The following SNTG2 variants were observed in gnomAD, a reference collection of about 807,000 sequenced individuals.
The protein encoded by SNTG2 is syntrophin gamma 2.
A neutral mutation model predicts 70.9 loss-of-function variants in SNTG2; 74 were observed. The ratio of observed to expected loss-of-function variants is 1.04; its 90% CI spans 0.86 to 1.27. The LOEUF (loss-of-function observed/expected upper bound fraction) is 1.27, where lower values mean the gene tolerates loss of function less well. SNTG2 is among the 50% of genes most tolerant of loss of function. SNTG2 has a pLI of 0.00. For synonymous variants in SNTG2, 278 were observed against 273.8 expected (o/e 1.02, Z -0.15); for missense variants, 717 against 690.7 (o/e 1.04, Z -0.43).
intron 1 of SNTG2, among the ~76,000 whole-genome samples, chr2:1,015,805 G>A (rs180966757): frequency 6.6e-6 from 1 of 152,178 alleles, no homozygotes; most frequent in African/African-American, 2.4e-5. Context: ...GTGCAGAGTT[G>A]CATATCTGGG....
intron 1 of SNTG2, among the ~76,000 whole-genome samples, chr2:1,031,334 TCC>T (rs1660802185): frequency 6.6e-6 from 1 of 151,272 alleles, no homozygotes; most frequent in South Asian, 2.1e-4. Context: ...TCCCATTTCC[TCC>T]CCTCTCAGGG....
At chr2:1,056,101 A>G (rs987323415) in intron 1 of SNTG2, among the ~76,000 whole-genome samples, 9 of 151,460 alleles carry the variant, frequency 5.9e-5, no homozygotes, top group African/African-American at 2.2e-4. Flanking sequence ...TCTGGCTCCC[A>G]TCTTGGTGGG....
intron 6 of SNTG2, among the ~76,000 whole-genome samples, chr2:1,144,650 C>T (rs1668982886): frequency 6.6e-6 from 1 of 152,106 alleles, no homozygotes; most frequent in Admixed American, 6.6e-5. Flanking sequence ...TACATGGTGG[C>T]AGACAAAAGA....
At chr2:1,124,048 C>G (rs1038372553) in intron 4 of SNTG2, among the ~76,000 whole-genome samples, 3 of 151,704 alleles carry the variant, frequency 2.0e-5, no homozygotes, top group African/African-American at 7.3e-5. Flanking sequence ...TTTTTAAGTT[C>G]TATTGCACAG....
chr2:1,005,228 A>G (rs1315491592), intron 1 of SNTG2, among the ~76,000 whole-genome samples: 1 of 152,296 alleles, frequency 6.6e-6, no homozygotes, highest in East Asian at 1.9e-4. Context: ...ACTGAGTTGT[A>G]TGATCCTGTA....
chr2:1,062,971 T>C (rs942063492), intron 1 of SNTG2, among the ~76,000 whole-genome samples: 2 of 152,240 alleles, frequency 1.3e-5, no homozygotes, highest in African/African-American at 4.8e-5. Context: ...GTAAAAGATC[T>C]ACCACATTGT....
chr2:1,210,332 A>T (rs1673954781), intron 9 of SNTG2: 1 of 152,178 alleles, frequency 6.6e-6, no homozygotes, highest in Non-Finnish European at 1.5e-5. Context: ...GGGTGGATAG[A>T]TAGATGATAG....
At chr2:1,231,954 G>T (rs116438230) in intron 9 of SNTG2, among the ~76,000 whole-genome samples, 2,053 of 152,316 alleles carry the variant, frequency 0.013, 51 homozygotes, top group African/African-American at 0.047. Flanking sequence ...TCCACGGCAA[G>T]ATGCATGGAC....
intron 1 of SNTG2, among the ~76,000 whole-genome samples, chr2:1,060,982 A>G (rs1402815864): frequency 6.6e-6 from 1 of 152,178 alleles, no homozygotes; most frequent in Non-Finnish European, 1.5e-5. Flanking sequence ...CAAAATTAAC[A>G]CCACAAATGA....
At chr2:1,060,093 G>T (rs1333328125) in intron 1 of SNTG2, among the ~76,000 whole-genome samples, 4 of 152,138 alleles carry the variant, frequency 2.6e-5, no homozygotes, top group African/African-American at 7.2e-5. Context: ...AAACTGGAAT[G>T]TACTCTTACC....
intron 4 of SNTG2, among the ~76,000 whole-genome samples, chr2:1,103,667 C>T (rs1227056317): frequency 2.6e-5 from 4 of 152,142 alleles, no homozygotes; most frequent in Non-Finnish European, 5.9e-5. Context: ...GGATTACGGG[C>T]GTGAGCCACC....
intron 1 of SNTG2, among the ~76,000 whole-genome samples, chr2:1,006,783 T>C (rs1289306691): frequency 1.3e-5 from 2 of 152,184 alleles, no homozygotes; most frequent in East Asian, 3.9e-4. Context: ...GTCAGCAGTT[T>C]GGGAGGCTGA....
At chr2:1,205,152 G>A (rs1399901328) in intron 8 of SNTG2, among the ~76,000 whole-genome samples, 1 of 151,964 alleles carries the variant, frequency 6.6e-6, no homozygotes, top group African/African-American at 2.4e-5. Flanking sequence ...AGTGTGCTCC[G>A]AACACTACTT....
At chr2:1,224,388 G>T (rs1468750899) in intron 9 of SNTG2, among the ~76,000 whole-genome samples, 1 of 152,180 alleles carries the variant, frequency 6.6e-6, no homozygotes, top group Non-Finnish European at 1.5e-5. Context: ...TCTGCCTGGA[G>T]CACAGTCCTG....
chr2:1,155,281 AACATAC>A (rs1322137488), intron 6 of SNTG2, among the ~76,000 whole-genome samples: 1 of 151,208 alleles, frequency 6.6e-6, no homozygotes, highest in Non-Finnish European at 1.5e-5. Context: ...CACCCCACAT[AACATAC>A]ACATACCCAC....
chr2:1,279,811 CAA>C (rs1321561461), intron 14 of SNTG2, among the ~76,000 whole-genome samples: 1 of 152,168 alleles, frequency 6.6e-6, no homozygotes, highest in African/African-American at 2.4e-5. Context: ...AGCTGCGAAG[CAA>C]AGTCTTTTCT....
intron 1 of SNTG2, among the ~76,000 whole-genome samples, chr2:1,027,437 C>T (rs1237506888): frequency 6.8e-6 from 1 of 147,440 alleles, no homozygotes; most frequent in East Asian, 2.0e-4. Context: ...GTCTGACCCA[C>T]AGACACTACC....
chr2:1,352,372 C>T (rs1026529140), intron 16 of SNTG2, among the ~76,000 whole-genome samples: 5 of 151,996 alleles, frequency 3.3e-5, no homozygotes, highest in African/African-American at 1.2e-4. Flanking sequence ...GGCCCCTCTG[C>T]CCCCTGAGCT....
chr2:1,072,558 T>C (rs1663649222), intron 1 of SNTG2, among the ~76,000 whole-genome samples: 1 of 152,042 alleles, frequency 6.6e-6, no homozygotes, highest in Non-Finnish European at 1.5e-5. Context: ...TTACTACTCA[T>C]TGACAATATA....
Sources: allele counts gnomAD v4.1 joint callset (sites outside exome capture counted in the v4.1 genomes callset), GRCh38; gene constraint gnomAD v4.1.1; transcripts MANE v1.5; gene names NCBI Gene and HGNC (gene_info 2026-07-23, HGNC 2026-07-21).